RPL17: variants seen among roughly 807,000 people sequenced by gnomAD.
RPL17 encodes the protein large ribosomal subunit protein uL22.
RPL17 carries 2 observed loss-of-function variants against 27.7 expected under a neutral mutation model. That is an observed-to-expected ratio of 0.07 (90% CI 0.03 to 0.23). RPL17 has a LOEUF of 0.23. Among genes scored for constraint, RPL17 ranks in the 10% least tolerant of loss-of-function variants. The pLI, the probability that RPL17 is intolerant of heterozygous loss-of-function variation, is 1.00. For synonymous variants in RPL17, 76 were observed against 75.5 expected (o/e 1.01, Z -0.03); for missense variants, 141 against 238.8 (o/e 0.59, Z 2.70).
intron 3 of RPL17, 97 bp from the exon 4 acceptor site, chr18:49,491,024 G>A (rs2084033360): frequency 2.6e-6 from 4 of 1,568,080 alleles, no homozygotes; most frequent in Admixed American, 1.8e-5. Flanking sequence ...AAAATGTCGA[G>A]TTATTTCTAT....
chr18:49,489,234 C>T lies in RPL17; in HGVS notation c.507+125G>A, dbSNP rs537405091. The T allele has an allele frequency of 3.9e-5, 39 of 1,003,100 alleles. 2 individuals are homozygous for T. The South Asian group carries it at 6.4e-4, about 16-fold the overall frequency. The allele number at this position is 1,003,100 out of a possible 1,614,324, so 62.1% of individuals were successfully genotyped here. Reference sequence around the variant, plus strand: ...CAAACTTACAAAAGCCAAAATAAGACAGGTGAAAGGGTTGCTCAGAATAGT... The same window carrying T: ...CAAACTTACAAAAGCCAAAATAAGATAGGTGAAAGGGTTGCTCAGAATAGT... On this transcript the variant is annotated intron_variant, in intron 6 of 6. Coordinates refer to ENST00000580261, the MANE Select transcript of RPL17 (RefSeq NM_001035006.5).
intron 1 of RPL17, 90 bp from the exon 2 acceptor site, chr18:49,491,674 G>A (rs1568504688): frequency 1.4e-6 from 2 of 1,479,452 alleles, no homozygotes; most frequent in Admixed American, 1.7e-5. Context: ...GCTGCTCAGA[G>A]AGTAGTTGTT....
At chr18:49,489,239 G>A (rs1600489972) in intron 6 of RPL17, 120 bp downstream of exon 6, 1 of 1,098,926 alleles carries the variant, frequency 9.1e-7, no homozygotes, top group Non-Finnish European at 1.3e-6. Flanking sequence ...TAAGACAGGT[G>A]AAAGGGTTGC....
chr18:49,488,658 G>T (rs1003263502), intron 6 of RPL17, 92 bp from the exon 7 acceptor site: 1 of 768,640 alleles, frequency 1.3e-6, no homozygotes, highest in South Asian at 1.5e-5. Flanking sequence ...AAACCTAGTC[G>T]TTAAGGACTA....
intron 6 of RPL17, among the ~76,000 whole-genome samples, chr18:49,488,903 GTT>G (rs34048856): frequency 6.8e-6 from 1 of 146,706 alleles, no homozygotes. Context: ...AAAACTACCA[GTT>G]TTTTTTTTTT....
chr18:49,490,165 C>G, intron 5 of RPL17: 1 of 336,530 alleles, frequency 3.0e-6, no homozygotes, highest in South Asian at 3.7e-5. Flanking sequence ...GGGGTAAAAG[C>G]CCCTGGTAAA....
chr18:49,491,739 C>T (rs375086337), intron 1 of RPL17, 155 bp from the exon 2 acceptor site: 2 of 1,001,338 alleles, frequency 2.0e-6, no homozygotes, highest in Non-Finnish European at 3.2e-6. Flanking sequence ...GCCATACTTT[C>T]CCCCACCAAG....
chr18:49,491,172 G>A lies in RPL17; in HGVS notation c.81+233C>T. The stretch of plus-strand genomic sequence containing the variant: ...ATCATCATGTAATTACAATTAAAAT[G>A]CCCCATCTTGATCTGCACACTAGGT... On this transcript the variant is annotated intron_variant, in intron 3 of 6. Transcript: ENST00000580261. 2.3e-6 allele frequency: 2 copies of A among 883,586 alleles called. 1 individual carries two copies. The highest frequency in any genetic ancestry group is 4.8e-5 in the East Asian group (2 of 41,350). 54.7% of individuals were successfully genotyped at this position (883,586 alleles called of 1,614,324 possible).
intron 5 of RPL17, 121 bp downstream of exon 5, chr18:49,490,333 G>A: frequency 3.7e-6 from 4 of 1,094,850 alleles, no homozygotes; most frequent in Non-Finnish European, 3.8e-6. Context: ...ACTGCAGGTA[G>A]AAATTTAAAA....
intron 5 of RPL17, 63 bp downstream of exon 5, chr18:49,490,391 C>A: frequency 1.3e-6 from 2 of 1,550,624 alleles, no homozygotes; most frequent in South Asian, 1.2e-5. Context: ...GGACATAAAT[C>A]TGAACAGCCA....
At position 49,489,368 on chromosome 18, in the gene RPL17, C is replaced by G. The variant is rs146823159; in HGVS notation, c.498G>C (p.Gln166His). The G allele has an allele frequency of 6.2e-7, 1 of 1,613,478 alleles. No homozygotes were observed. Among genetic ancestry groups the G allele is most frequent in the Non-Finnish European group, 8.5e-7 (1 of 1,179,798 alleles). ...GCAACTACTTATTTACCTTTTTCTTCTGGGCAACCTCCTCTTCTGGTTTAG... is the reference window on the plus strand; with the variant it reads ...GCAACTACTTATTTACCTTTTTCTTGTGGGCAACCTCCTCTTCTGGTTTAG... ...IVPKPEEEVA[Q>H]KKKISQKKLK... Residue 166 changes from glutamine (Q) to histidine (H), a missense_variant, in exon 6 of 7, where the codon CAG becomes CAC. Gln to His is a conservative substitution (Grantham distance 24, BLOSUM62 0). Coordinates refer to ENST00000580261, the MANE Select transcript of RPL17 (RefSeq NM_001035006.5).
intron 1 of RPL17, chr18:49,491,819 C>T (rs900021085): frequency 1.1e-4 from 78 of 730,078 alleles, no homozygotes; most frequent in South Asian, 7.7e-4. Flanking sequence ...ACGGGCCTCA[C>T]CAATCCAGTC....
intron 1 of RPL17, 139 bp downstream of exon 1, chr18:49,492,316 TAAG>T (rs1346552587): frequency 6.5e-6 from 1 of 152,750 alleles, no homozygotes; most frequent in Non-Finnish European, 1.5e-5. Flanking sequence ...TCCTCCCGCA[TAAG>T]AAGCCACCGC....
At chr18:49,491,367 C>T in intron 3 of RPL17, 38 bp downstream of exon 3, 2 of 1,614,020 alleles carry the variant, frequency 1.2e-6, no homozygotes, top group Non-Finnish European at 1.7e-6. Context: ...TTGAGTGGAA[C>T]ATGAGGAACT....
chr18:49,491,633 C>T (rs11537617), intron 1 of RPL17, 49 bp from the exon 2 acceptor site: 3 of 1,595,510 alleles, frequency 1.9e-6, no homozygotes, highest in Middle Eastern at 3.3e-4. Context: ...TACAGTAACT[C>T]ATTCAGTATA....
Position 49,491,606 on chromosome 18 carries a change from T to A in RPL17, c.-13-22A>T, listed in dbSNP as rs2084085473. On this transcript the variant is annotated intron_variant, in intron 1 of 6. Coordinates refer to ENST00000580261, the MANE Select transcript of RPL17 (RefSeq NM_001035006.5). ...TCACCTAGAGGAAAGTACAGTGTAATTCTGTCAATACGTACTTACAGTAAC... is the reference window on the plus strand; with the variant it reads ...TCACCTAGAGGAAAGTACAGTGTAAATCTGTCAATACGTACTTACAGTAAC... 1.9e-6 allele frequency: 3 copies of A among 1,613,632 alleles called. No homozygotes were observed. The South Asian group carries it at 3.3e-5, about 18-fold the overall frequency.
At chr18:49,489,784 A>G (rs528647549) in intron 5 of RPL17, among the ~76,000 whole-genome samples, 11 of 152,292 alleles carry the variant, frequency 7.2e-5, no homozygotes, top group African/African-American at 2.4e-4. Flanking sequence ...CATTTTGTCT[A>G]TGAGTGGCCT....
At chr18:49,490,413 A>T (rs749161368) in intron 5 of RPL17, 41 bp downstream of exon 5, 14 of 1,599,100 alleles carry the variant, frequency 8.8e-6, no homozygotes, top group South Asian at 2.2e-5. Context: ...CATTAATTAA[A>T]CAACCACCCA....
intron 3 of RPL17, 198 bp downstream of exon 3, chr18:49,491,207 G>A (rs956886509): frequency 3.2e-5 from 32 of 992,576 alleles, no homozygotes; most frequent in South Asian, 2.2e-4. Context: ...TTTTCAAATG[G>A]TTTTCTGGTA....
Sources: allele counts gnomAD v4.1 joint callset (sites outside exome capture counted in the v4.1 genomes callset), GRCh38; gene constraint gnomAD v4.1.1; transcripts MANE v1.5; gene names NCBI Gene and HGNC (gene_info 2026-07-23, HGNC 2026-07-21).